The following CENPL variants were observed in gnomAD, a reference collection of about 807,000 sequenced individuals.
CENPL encodes centromere protein L.
Under a neutral mutation model 35.2 loss-of-function variants are expected in CENPL, and 20 were observed. The ratio of observed to expected loss-of-function variants is 0.57; its 90% CI spans 0.40 to 0.83. The LOEUF is 0.83. CENPL is among the 40% of genes least tolerant of loss of function. The probability of loss-of-function intolerance (pLI) is 0.00; values close to 1 mark genes in which losing one functional copy is unlikely to be tolerated. For missense variants in CENPL, 363 were observed against 395.8 expected (o/e 0.92, Z 0.70); for synonymous variants, 140 against 140.6 (o/e 1.00, Z 0.03).
In CENPL at chr1:173,807,356, C is replaced by T. The variant is rs763212615; in HGVS notation, c.331G>A (p.Val111Met). 1.4e-5 allele frequency: 22 copies of T among 1,613,682 alleles called. No homozygotes were observed. Among genetic ancestry groups the T allele is most frequent in the Non-Finnish European group, 1.8e-5 (21 of 1,179,836 alleles). ...ACTTTGATGTTGAAGTCTTCTCCCA[C>T]TTCCACAGCAAGTCCTTTTTGCTTT... Reference protein sequence around the residue: ...AEKQKGLAVEVGEDFNIKVIF... With the variant: ...AEKQKGLAVEMGEDFNIKVIF... The change falls in exon 4 of 6, where the codon GTG becomes ATG. Residue 111 changes from valine (V) to methionine (M), a missense_variant. Physicochemically the swap from Val to Met is conservative, Grantham distance 21 (BLOSUM62 1). Transcript: ENST00000682279.
chr1:173,810,334 G>A (rs1650687618), intron 3 of CENPL, among the ~76,000 whole-genome samples: 1 of 152,062 alleles, frequency 6.6e-6, no homozygotes, highest in South Asian at 2.1e-4. Context: ...AACATAGAGG[G>A]GAACAACACA....
intron 3 of CENPL, among the ~76,000 whole-genome samples, chr1:173,810,153 A>G (rs1650666852): frequency 6.6e-6 from 1 of 152,260 alleles, no homozygotes; most frequent in Non-Finnish European, 1.5e-5. Context: ...AATGTGGTAC[A>G]TATACACCAT....
chr1:173,800,441 T>G lies in CENPL; in HGVS notation c.*7A>C, dbSNP rs1292645296. 1.7e-6 allele frequency: 2 copies of G among 1,193,912 alleles called. No individual in the cohort carries two copies. Among genetic ancestry groups the G allele is most frequent in the East Asian group, 2.3e-5 (1 of 42,864 alleles). 74.0% of individuals were successfully genotyped at this position (1,193,912 alleles called of 1,614,324 possible). ...TATAATCTATAACTTATAGTCCACATAAGGCTTCACTCAATTTGAAAAATT... is the reference window on the plus strand; with the variant it reads ...TATAATCTATAACTTATAGTCCACAGAAGGCTTCACTCAATTTGAAAAATT... On this transcript the variant is annotated 3_prime_UTR_variant, in exon 6 of 6. Transcript: ENST00000682279.
intron 3 of CENPL, 150 bp from the exon 4 acceptor site, chr1:173,807,668 C>A: frequency 3.5e-6 from 2 of 572,998 alleles, no homozygotes; most frequent in Non-Finnish European, 3.0e-6. Flanking sequence ...TTTTGCAGAT[C>A]CTTGAACAGA....
intron 2 of CENPL, among the ~76,000 whole-genome samples, chr1:173,821,534 G>A (rs1202741887): frequency 6.6e-6 from 1 of 151,960 alleles, no homozygotes; most frequent in African/African-American, 2.4e-5. Flanking sequence ...TAAGAGGGAT[G>A]GTTTTGAAAA....
Position 173,817,165 on chromosome 1 carries a change from T to A in CENPL, c.-7-5859A>T, listed in dbSNP as rs200633288. Among the ~76,000 whole-genome samples, 85 of 147,472 alleles carry A rather than the reference T, an allele frequency of 5.8e-4. No individual in the cohort carries two copies. The East Asian group carries it at 0.014, about 25-fold the overall frequency. On this transcript the variant is annotated intron_variant, in intron 2 of 5. Coordinates refer to ENST00000682279, the MANE Select transcript of CENPL (RefSeq NM_001387287.1). ...AAAAAAAAGAAAGCAAAAAAATAAATAAATAAATACTGTCTGCACAGCAAA... is the reference window on the plus strand; with the variant it reads ...AAAAAAAAGAAAGCAAAAAAATAAAAAAATAAATACTGTCTGCACAGCAAA...
chr1:173,819,890 G>T (rs1468975568), intron 2 of CENPL, among the ~76,000 whole-genome samples: 1 of 150,406 alleles, frequency 6.6e-6, no homozygotes, highest in African/African-American at 2.4e-5. Flanking sequence ...TGTATTTTTA[G>T]TAGAGACAGT....
Position 173,803,051 on chromosome 1 carries a change from T to C in CENPL, c.875A>G (p.His292Arg). 6.2e-7 allele frequency: 1 copy of C among 1,613,870 alleles called. No individual in the cohort carries two copies. Among genetic ancestry groups the C allele is most frequent in the Non-Finnish European group, 8.5e-7 (1 of 1,179,720 alleles). The change falls in exon 5 of 6, where the codon CAT becomes CGT. Residue 292 changes from histidine to arginine, a missense_variant. Transcript: ENST00000682279. The stretch of plus-strand genomic sequence containing the variant: ...TGATAAATGAATTTTGAAATGTCTA[T>C]GGAAATGTGAATAAAGGCAATCCAT... ...LFMDCLYSHF[H>R]RHFKIHLSAT...
At chr1:173,804,191 C>T (rs1557844512) in intron 4 of CENPL, among the ~76,000 whole-genome samples, 2 of 152,344 alleles carry the variant, frequency 1.3e-5, no homozygotes, top group East Asian at 3.9e-4. Flanking sequence ...TAAGGCAGCA[C>T]TATCAACTTA....
At chr1:173,819,732 C>T (rs1651764335) in intron 2 of CENPL, among the ~76,000 whole-genome samples, 1 of 152,016 alleles carries the variant, frequency 6.6e-6, no homozygotes, top group Admixed American at 6.6e-5. Context: ...CTGTTGTTGG[C>T]CTGGGCTGGA....
At chr1:173,801,197 C>T (rs1469098487) in intron 5 of CENPL, among the ~76,000 whole-genome samples, 2 of 152,034 alleles carry the variant, frequency 1.3e-5, no homozygotes, top group Non-Finnish European at 1.5e-5. Context: ...CCTCAGTTTC[C>T]TTGTTTTAAA....
chr1:173,807,573 T>G (rs933045672), intron 3 of CENPL, 55 bp from the exon 4 acceptor site: 5 of 1,349,530 alleles, frequency 3.7e-6, no homozygotes, highest in Non-Finnish European at 5.0e-6. Context: ...CAATAAGAAT[T>G]TAATCATAGC....
At chr1:173,823,318 C>T (rs1340688936) in intron 2 of CENPL, 2 of 151,860 alleles carry the variant, frequency 1.3e-5, no homozygotes, top group Non-Finnish European at 2.9e-5. Context: ...TCTACTACTT[C>T]AGTTCTTCCC....
Position 173,802,993 on chromosome 1 carries a change from T to C in CENPL, c.933A>G (p.Val311=). 1 of 1,612,884 alleles carries C rather than the reference T, an allele frequency of 6.2e-7. No homozygotes were observed. The highest frequency in any genetic ancestry group is 1.7e-5 in the Admixed American group (1 of 59,998). The change falls in exon 5 of 6, where the codon GTA becomes GTG. Residue 311 remains valine (V), a synonymous_variant. Transcript: ENST00000682279. ...ATRLVRVSTS[V]ASAHTDGKIK... is the part of the protein sequence containing the mutation. ...TTTTTCCATCAGTATGTGCTGAAGC[T>C]ACAGATGTTGAAACACGAACTAATC...
intron 2 of CENPL, among the ~76,000 whole-genome samples, chr1:173,816,052 G>C (rs1426416419): frequency 2.0e-5 from 3 of 151,790 alleles, no homozygotes; most frequent in Non-Finnish European, 4.4e-5. Flanking sequence ...AACAGACAGA[G>C]AGCAAAATCA....
At chr1:173,809,229 G>A (rs1650566278) in intron 3 of CENPL, among the ~76,000 whole-genome samples, 1 of 152,140 alleles carries the variant, frequency 6.6e-6, no homozygotes, top group Non-Finnish European at 1.5e-5. Flanking sequence ...TGTAGTGCCA[G>A]CTACTCCGGA....
At chr1:173,803,654 C>T in intron 4 of CENPL, 149 bp from the exon 5 acceptor site, 1 of 701,110 alleles carries the variant, frequency 1.4e-6, no homozygotes, top group Non-Finnish European at 2.3e-6. Context: ...TAATGATTAA[C>T]AGGGCTTATC....
chr1:173,809,618 CA>C (rs796718218), intron 3 of CENPL, among the ~76,000 whole-genome samples: 28 of 140,356 alleles, frequency 2.0e-4, no homozygotes, highest in Admixed American at 1.1e-3. Flanking sequence ...AAAACAACAA[CA>C]AAAAAAAAAC....
intron 2 of CENPL, among the ~76,000 whole-genome samples, chr1:173,813,582 A>G (rs922634869): frequency 1.6e-4 from 24 of 152,248 alleles, no homozygotes; most frequent in Non-Finnish European, 2.9e-4. Flanking sequence ...ACTAAGCTTC[A>G]TAAGTGAAGG....
Sources: gnomAD v4.1 joint callset for allele counts (sites outside exome capture counted in the v4.1 genomes callset) on GRCh38, gnomAD v4.1.1 for gene constraint, MANE v1.5 for transcripts, NCBI Gene and HGNC (gene_info 2026-07-23, HGNC 2026-07-21) for gene names.